The following JARID2 variants were observed in gnomAD, a reference collection of about 807,000 sequenced individuals.
The protein encoded by JARID2 is protein Jumonji.
In JARID2, 21 loss-of-function variants were observed where a neutral mutation model predicts 125.6. The ratio of observed to expected loss-of-function variants is 0.17; its 90% confidence interval spans 0.12 to 0.24. The LOEUF is 0.24. Among genes scored for constraint, JARID2 ranks in the 10% least tolerant of loss-of-function variants. The pLI, the probability that JARID2 is intolerant of heterozygous loss-of-function variation, is 1.00. For synonymous variants in JARID2, 736 were observed against 661.6 expected (o/e 1.11, Z -1.73); for missense variants, 1,303 against 1,639.6 (o/e 0.79, Z 3.55).
At chr6:15,315,564 T>C (rs1329345899) in intron 1 of JARID2, among the ~76,000 whole-genome samples, 2 of 152,168 alleles carry the variant, frequency 1.3e-5, no homozygotes, top group Non-Finnish European at 2.9e-5. Context: ...TAGTCACGTA[T>C]CTAGAGTGTG....
At chr6:15,343,644 G>A (rs928627483) in intron 1 of JARID2, among the ~76,000 whole-genome samples, 1 of 152,180 alleles carries the variant, frequency 6.6e-6, no homozygotes, top group Admixed American at 6.5e-5. Flanking sequence ...TCCTGTCACT[G>A]TGTCCCCCAA....
At position 15,501,064 on chromosome 6, in the gene JARID2, C is replaced by T. The variant is rs963163906; in HGVS notation, c.2103C>T (p.Tyr701=). 5 of 1,613,996 alleles carry T rather than the reference C, an allele frequency of 3.1e-6. No homozygotes were observed. The highest frequency in any genetic ancestry group is 4.2e-6 in the Non-Finnish European group (5 of 1,179,878). ...GGCTGGCCAAGCTGCAGGAGGCCTA[C>T]TGCCAGTACCTACTCTCCTACGACT... The part of the protein sequence containing the change: ...QDRLAKLQEA[Y]CQYLLSYDSL... Residue 701 remains tyrosine, a synonymous_variant, in exon 8 of 18, where the codon TAC becomes TAT. Coordinates refer to ENST00000341776, the MANE Select transcript of JARID2 (RefSeq NM_004973.4).
intron 3 of JARID2, among the ~76,000 whole-genome samples, chr6:15,430,950 G>A (rs1446235800): frequency 9.2e-5 from 14 of 152,168 alleles, no homozygotes; most frequent in Non-Finnish European, 1.8e-4. Context: ...TGTTCAGCCT[G>A]TTACTCAGCC....
At chr6:15,517,022 C>A in intron 16 of JARID2, 139 bp from the exon 17 acceptor site, 1 of 637,748 alleles carries the variant, frequency 1.6e-6, no homozygotes, top group Admixed American at 2.7e-5. Context: ...AAGCCCTTGG[C>A]CCGGGTGGTG....
chr6:15,374,610 C>T (rs927485320), intron 2 of JARID2, among the ~76,000 whole-genome samples: 1 of 152,118 alleles, frequency 6.6e-6, no homozygotes, highest in Non-Finnish European at 1.5e-5. Flanking sequence ...AGGAAATAGC[C>T]TAAATCTTTC....
At chr6:15,324,104 G>A (rs1389415046) in intron 1 of JARID2, among the ~76,000 whole-genome samples, 1 of 151,610 alleles carries the variant, frequency 6.6e-6, no homozygotes, top group African/African-American at 2.4e-5. Flanking sequence ...GCATGAACCG[G>A]GGAGGCAGAG....
chr6:15,382,085 A>G (rs1764610840), intron 2 of JARID2, among the ~76,000 whole-genome samples: 1 of 152,144 alleles, frequency 6.6e-6, no homozygotes, highest in South Asian at 2.1e-4. Context: ...CAACATAGTG[A>G]AACCCCGTCT....
chr6:15,490,600 C>A (rs1179118272), intron 6 of JARID2, among the ~76,000 whole-genome samples: 1 of 152,246 alleles, frequency 6.6e-6, no homozygotes, highest in Non-Finnish European at 1.5e-5. Context: ...TCATGGAATG[C>A]ACATGCCTGT....
intron 1 of JARID2, among the ~76,000 whole-genome samples, chr6:15,341,296 T>A (rs1351296681): frequency 6.6e-6 from 1 of 152,240 alleles, no homozygotes; most frequent in African/African-American, 2.4e-5. Flanking sequence ...TCTTTTTTAC[T>A]CTTCCACATT....
intron 5 of JARID2, among the ~76,000 whole-genome samples, chr6:15,470,341 C>G (rs1339421857): frequency 6.6e-6 from 1 of 152,162 alleles, no homozygotes; most frequent in South Asian, 2.1e-4. Flanking sequence ...CTACAAATGG[C>G]GGAAAATCAG....
chr6:15,464,865 A>G (rs752371684), intron 4 of JARID2, among the ~76,000 whole-genome samples: 6 of 152,164 alleles, frequency 3.9e-5, no homozygotes, highest in Admixed American at 3.9e-4. Flanking sequence ...GTTGAAAACA[A>G]TCCTTTTTTC....
chr6:15,269,189 CTG>C (rs950094710), intron 1 of JARID2, among the ~76,000 whole-genome samples: 19 of 152,286 alleles, frequency 1.2e-4, no homozygotes, highest in Middle Eastern at 6.8e-3. Flanking sequence ...TCCCAGGCCT[CTG>C]TAAAACCTCC....
intron 1 of JARID2, chr6:15,248,233 G>GGGGGTCGCGGCAGGC (rs1274847397): frequency 3.4e-6 from 1 of 296,652 alleles, no homozygotes; most frequent in Non-Finnish European, 5.0e-6. Context: ...GACGGCCCGC[G>GGGGGTCGCGGCAGGC]GGGGTCGCGG....
In JARID2 at chr6:15,520,971, A is replaced by C. The variant is rs533576091; in HGVS notation, c.*720A>C. 8 of 294,940 alleles carry C rather than the reference A, an allele frequency of 2.7e-5. No homozygotes were observed. The highest frequency in any genetic ancestry group is 4.9e-5 in the Non-Finnish European group (7 of 142,314). 18.3% of individuals were successfully genotyped at this position (294,940 alleles called of 1,614,324 possible). ...CTGCCTGCCTTGGAGGGGTCACATG[A>C]GGGAGACCTGTGCCTGATTTCATTA... On this transcript the variant is annotated 3_prime_UTR_variant, in exon 18 of 18. Transcript: ENST00000341776.
chr6:15,499,574 T>G (rs1310176181), intron 7 of JARID2, among the ~76,000 whole-genome samples: 2 of 152,240 alleles, frequency 1.3e-5, no homozygotes, highest in East Asian at 3.9e-4. Flanking sequence ...CCTACCTCTG[T>G]AAGTTGAGAC....
In JARID2 at chr6:15,498,810, C is replaced by T. The variant is rs374746873; in HGVS notation, c.1945+1640C>T. ...CAGTGCAGGGAGCAGGCTCTGCACA[C>T]GCGTGCACCCACGCCCGCTGACCAC... On this transcript the variant is annotated intron_variant, in intron 7 of 17. Coordinates refer to ENST00000341776, the MANE Select transcript of JARID2 (RefSeq NM_004973.4). 3.3e-3 allele frequency among the ~76,000 whole-genome samples: 499 copies of T among 152,344 alleles called. 4 individuals are homozygous for T. The highest frequency in any genetic ancestry group is 0.011 in the African/African-American group (441 of 41,578).
intron 1 of JARID2, among the ~76,000 whole-genome samples, chr6:15,287,562 T>C (rs1761051538): frequency 6.6e-6 from 1 of 152,230 alleles, no homozygotes; most frequent in Admixed American, 6.5e-5. Context: ...ATTCAAAATA[T>C]AAGGGAATGT....
At chr6:15,332,086 C>T (rs929335487) in intron 1 of JARID2, among the ~76,000 whole-genome samples, 5 of 151,940 alleles carry the variant, frequency 3.3e-5, no homozygotes, top group South Asian at 2.1e-4. Context: ...GTGCCAAGCT[C>T]GAAACCAGTT....
rs1052430385 is a variant in JARID2 at position 15,301,107 on chromosome 6, A to G, written c.45+54523A>G. ...ATAAGTAACTGGGTTGTCCATAACT[A>G]TTTCAGAAATGGCTACAATTACTCA... is the stretch of plus-strand genomic sequence containing the variant. On this transcript the variant is annotated intron_variant, in intron 1 of 17. Coordinates refer to ENST00000341776, the MANE Select transcript of JARID2 (RefSeq NM_004973.4). 9.9e-5 allele frequency among the ~76,000 whole-genome samples: 15 copies of G among 152,186 alleles called. 1 individual carries two copies. Among genetic ancestry groups the G allele is most frequent in the African/African-American group, 3.6e-4 (15 of 41,436 alleles).
Sources: allele counts gnomAD v4.1 joint callset (sites outside exome capture counted in the v4.1 genomes callset), GRCh38; gene constraint gnomAD v4.1.1; transcripts MANE v1.5; gene names NCBI Gene and HGNC (gene_info 2026-07-23, HGNC 2026-07-21).